The following EDNRB variants were observed in gnomAD, a reference collection of about 807,000 sequenced individuals.
EDNRB encodes the protein Hirschsprung disease 2.
Under a neutral mutation model 46.4 loss-of-function variants are expected in EDNRB, and 18 were observed. The ratio of observed to expected loss-of-function variants is 0.39; its 90% CI spans 0.27 to 0.57. The LOEUF (loss-of-function observed/expected upper bound fraction) is 0.57, where lower values mean the gene tolerates loss of function less well. EDNRB is among the 20% of genes least tolerant of loss of function. The pLI, the probability that EDNRB is intolerant of heterozygous loss-of-function variation, is 0.61. For missense variants in EDNRB, 434 were observed against 537.5 expected (o/e 0.81, Z 1.90); for synonymous variants, 213 against 204.9 (o/e 1.04, Z -0.34).
chr13:77,962,159 G>A lies in EDNRB; in HGVS notation c.-52+13188C>T, dbSNP rs148251991. Reference sequence around the variant, plus strand: ...ATTAATAGCCTACCAACCAAAAAACGTCCAGGACCAAATGGATTCACAGCC... The same window carrying A: ...ATTAATAGCCTACCAACCAAAAAACATCCAGGACCAAATGGATTCACAGCC... On this transcript the variant is annotated intron_variant, in intron 1 of 7. Coordinates refer to the EDNRB transcript ENST00000646948. Among the ~76,000 whole-genome samples, 505 of 152,164 alleles carry A rather than the reference G, an allele frequency of 3.3e-3. 4 individuals carry two copies. Among genetic ancestry groups the A allele is most frequent in the African/African-American group, 0.011 (476 of 41,488 alleles).
intron 4 of EDNRB, 47 bp from the exon 5 acceptor site, chr13:77,900,701 T>C (rs200746009): frequency 1.2e-6 from 2 of 1,610,514 alleles, no homozygotes; most frequent in South Asian, 1.1e-5. Flanking sequence ...CTCATTTTAC[T>C]CATAGCATTC....
chr13:77,933,197 G>C (rs892417913), intron 1 of EDNRB, among the ~76,000 whole-genome samples: 15 of 152,276 alleles, frequency 9.9e-5, no homozygotes, highest in African/African-American at 3.6e-4. Context: ...TTAACTTGTG[G>C]AACTTTTATT....
At chr13:77,919,537 G>A, upstream of EDNRB, 4 of 1,612,684 alleles carry the variant, frequency 2.5e-6, no homozygotes, top group Non-Finnish European at 3.4e-6. Context: ...CTGACGAAAC[G>A]CTGCGAGAAT....
chr13:77,956,776 T>G (rs1881253688), intron 1 of EDNRB, among the ~76,000 whole-genome samples: 1 of 152,224 alleles, frequency 6.6e-6, no homozygotes, highest in Non-Finnish European at 1.5e-5. Context: ...CCTTGGCTCA[T>G]GGCCTCTTTC....
intron 1 of EDNRB, among the ~76,000 whole-genome samples, chr13:77,929,429 A>G (rs766768132): frequency 2.0e-5 from 3 of 152,172 alleles, no homozygotes; most frequent in Non-Finnish European, 2.9e-5. Flanking sequence ...TCATAATGTA[A>G]CGTATGTCCT....
Position 77,903,294 on chromosome 13 carries a change from T to C in EDNRB, c.663A>G (p.Glu221=), listed in dbSNP as rs755182700. Residue 221 remains glutamate, a synonymous_variant, in exon 3 of 7, where the codon GAA becomes GAG. Coordinates refer to ENST00000646607, the MANE Select transcript of EDNRB (RefSeq NM_001122659.3). ...CAGAGACCACCCAAATCAAAACAAT[T>C]TCTACTGCTGTCCATTTTGGAACCC... The part of the protein sequence containing the change: ...GIGVPKWTAV[E]IVLIWVVSVV... 2 of 1,612,950 alleles carry C rather than the reference T, an allele frequency of 1.2e-6. No homozygotes were observed. Among genetic ancestry groups the C allele is most frequent in the East Asian group, 4.5e-5 (2 of 44,802 alleles).
chr13:77,934,020 C>G (rs1281852889), intron 1 of EDNRB, among the ~76,000 whole-genome samples: 2 of 152,138 alleles, frequency 1.3e-5, no homozygotes, highest in Non-Finnish European at 2.9e-5. Flanking sequence ...GCCTTGCCAG[C>G]AAAGATTATT....
rs188177785 is a variant in EDNRB at position 77,974,422 on chromosome 13, C to T, written c.-52+925G>A. On this transcript the variant is annotated intron_variant, in intron 1 of 7. Coordinates refer to the EDNRB transcript ENST00000646948. ...GATTTTTGATAGGAAGGCCTCAGTG[C>T]TTTTGGGATACGCCCTTGTTTACAC... Among the ~76,000 whole-genome samples the T allele has an allele frequency of 3.0e-3, 463 of 152,234 alleles. 3 individuals are homozygous for T. Among genetic ancestry groups the T allele is most frequent in the Middle Eastern group, 0.01 (3 of 294 alleles).
At chr13:77,938,411 GAC>G (rs1566327869) in intron 1 of EDNRB, among the ~76,000 whole-genome samples, 3 of 150,934 alleles carry the variant, frequency 2.0e-5, no homozygotes, top group Non-Finnish European at 4.4e-5. Context: ...AAGGGGTAGA[GAC>G]ACAGAAAGAA....
At position 77,899,843 on chromosome 13, in the gene EDNRB, T is replaced by C; in HGVS notation, c.1194+16A>G. Reference sequence around the variant, plus strand: ...CCATATTACAAAGAGCTTTTTATTTTGGGATAGTCTCTTACCTTAAAGCAG... The same window carrying C: ...CCATATTACAAAGAGCTTTTTATTTCGGGATAGTCTCTTACCTTAAAGCAG... On this transcript the variant is annotated intron_variant, in intron 6 of 6. Coordinates refer to ENST00000646607, the MANE Select transcript of EDNRB (RefSeq NM_001122659.3). 6.3e-7 allele frequency: 1 copy of C among 1,591,530 alleles called. No homozygotes were observed. Among genetic ancestry groups the C allele is most frequent in the Non-Finnish European group, 8.6e-7 (1 of 1,160,922 alleles).
intron 1 of EDNRB, among the ~76,000 whole-genome samples, chr13:77,958,015 C>T (rs1369446503): frequency 2.0e-5 from 3 of 152,176 alleles, no homozygotes; most frequent in Non-Finnish European, 4.4e-5. Flanking sequence ...AAAAACTAAA[C>T]ACCATGTGGA....
In EDNRB at chr13:77,933,229, G is replaced by A. The variant is rs548353015; in HGVS notation, c.-51-14605C>T. Among the ~76,000 whole-genome samples, 40 of 152,258 alleles carry A rather than the reference G, an allele frequency of 2.6e-4. 1 individual carries two copies. In the East Asian group the frequency reaches 7.5e-3, roughly 29 times the overall value. ...TATTCTGGTGAGCAGAGTTTCATGCGCGTCCGTGTGAAGAGACCACCAAAC... is the reference window on the plus strand; with the variant it reads ...TATTCTGGTGAGCAGAGTTTCATGCACGTCCGTGTGAAGAGACCACCAAAC... On this transcript the variant is annotated intron_variant, in intron 1 of 7. Coordinates refer to the EDNRB transcript ENST00000646948.
Position 77,898,158 on chromosome 13 carries a change from G to A in EDNRB, c.*42C>T. 2 of 1,603,758 alleles carry A rather than the reference G, an allele frequency of 1.2e-6. No homozygotes were observed. Among genetic ancestry groups the A allele is most frequent in the Non-Finnish European group, 1.7e-6 (2 of 1,174,622 alleles). On this transcript the variant is annotated 3_prime_UTR_variant, in exon 7 of 7. Coordinates refer to ENST00000646607, the MANE Select transcript of EDNRB (RefSeq NM_001122659.3). The stretch of plus-strand genomic sequence containing the variant: ...GTTTCATTTTGTTTTAATGACTTCG[G>A]TCCAATATAAAGAAAATGAAATACA...
chr13:77,946,588 A>T (rs1880925179), intron 1 of EDNRB, among the ~76,000 whole-genome samples: 1 of 152,154 alleles, frequency 6.6e-6, no homozygotes, highest in Non-Finnish European at 1.5e-5. Flanking sequence ...ACCCATTTCC[A>T]GTGATTTCAA....
chr13:77,914,347 C>T (rs1220305468), intron 1 of EDNRB, among the ~76,000 whole-genome samples: 1 of 152,146 alleles, frequency 6.6e-6, no homozygotes, highest in African/African-American at 2.4e-5. Context: ...TGCTATATGC[C>T]ATGCCCTGTG....
upstream of EDNRB, among the ~76,000 whole-genome samples, chr13:77,920,172 C>T (rs924252827): frequency 6.6e-6 from 1 of 152,174 alleles, no homozygotes; most frequent in East Asian, 1.9e-4. Flanking sequence ...TTATACTGTA[C>T]CTATGACAGA....
At chr13:77,914,113 A>G (rs1287364595) in intron 1 of EDNRB, among the ~76,000 whole-genome samples, 1 of 152,236 alleles carries the variant, frequency 6.6e-6, no homozygotes, top group Non-Finnish European at 1.5e-5. Context: ...ACTTTCTAGC[A>G]CAATATGGCA....
chr13:77,916,912 T>C (rs1594372144), intron 1 of EDNRB, among the ~76,000 whole-genome samples: 1 of 112,458 alleles, frequency 8.9e-6, no homozygotes, highest in East Asian at 2.3e-4. Flanking sequence ...TTATTTAGAC[T>C]GCTTTTTTTT....
At chr13:77,919,448 C>T (rs548782417), upstream of EDNRB, 2 of 1,612,664 alleles carry the variant, frequency 1.2e-6, no homozygotes, top group South Asian at 2.2e-5. Context: ...ACCACCTTCC[C>T]GGGAGGCGGA....
Sources: gnomAD v4.1 joint callset for allele counts (sites outside exome capture counted in the v4.1 genomes callset) on GRCh38, gnomAD v4.1.1 for gene constraint, MANE v1.5 for transcripts, NCBI Gene and HGNC (gene_info 2026-07-23, HGNC 2026-07-21) for gene names.